Variants in CECR2 observed in about 807,000 individuals in gnomAD.
CECR2 encodes the protein CECR2 histone acetyl-lysine reader.
A neutral mutation model predicts 154.5 loss-of-function variants in CECR2; 30 were observed. The observed-to-expected ratio is 0.19, with a 90% CI of 0.15 to 0.26. CECR2 has a LOEUF of 0.26. Among genes scored for constraint, CECR2 ranks in the 10% least tolerant of loss-of-function variants. The pLI is 1.00. For synonymous variants in CECR2, 725 were observed against 683.7 expected (o/e 1.06, Z -0.94); for missense variants, 1,743 against 1,829.3 (o/e 0.95, Z 0.86).
At chr22:17,443,541 G>A (rs2054614167) in intron 1 of CECR2, among the ~76,000 whole-genome samples, 1 of 152,042 alleles carries the variant, frequency 6.6e-6, no homozygotes, top group Admixed American at 6.6e-5. Flanking sequence ...CTCTAATTCT[G>A]ACCCAGAAGA....
intron 1 of CECR2, among the ~76,000 whole-genome samples, chr22:17,430,890 C>T (rs1298201730): frequency 6.6e-6 from 1 of 152,056 alleles, no homozygotes; most frequent in Non-Finnish European, 1.5e-5. Flanking sequence ...TAATTATTTA[C>T]CATGATTATG....
chr22:17,445,687 G>A (rs1251717492), intron 1 of CECR2, among the ~76,000 whole-genome samples: 1 of 151,716 alleles, frequency 6.6e-6, no homozygotes, highest in Non-Finnish European at 1.5e-5. Flanking sequence ...CTGCCTCCCA[G>A]GTTCGGGCAG....
chr22:17,461,005 C>T (rs1458625706), intron 1 of CECR2, among the ~76,000 whole-genome samples: 1 of 152,152 alleles, frequency 6.6e-6, no homozygotes, highest in Non-Finnish European at 1.5e-5. Context: ...TTTGGGGGTG[C>T]TGTGTGTCTC....
intron 7 of CECR2, among the ~76,000 whole-genome samples, chr22:17,506,490 C>T (rs569361973): frequency 2.6e-5 from 4 of 152,272 alleles, no homozygotes; most frequent in East Asian, 1.9e-4. Flanking sequence ...AATGTCACTA[C>T]GTCCATGAAC....
chr22:17,437,590 T>C (rs2054525462), intron 1 of CECR2, among the ~76,000 whole-genome samples: 1 of 152,190 alleles, frequency 6.6e-6, no homozygotes, highest in Non-Finnish European at 1.5e-5. Flanking sequence ...GGACCTGAAA[T>C]AGATTTTTCA....
chr22:17,493,971 G>T (rs78441321), intron 2 of CECR2, among the ~76,000 whole-genome samples: 19,571 of 152,236 alleles, frequency 0.13, 1,471 homozygotes, highest in Non-Finnish European at 0.17. Flanking sequence ...GTGGAACTTG[G>T]TGTACATTAG....
At chr22:17,419,835 T>C (rs1323732886) in intron 1 of CECR2, 2 of 281,118 alleles carry the variant, frequency 7.1e-6, no homozygotes, top group African/African-American at 2.3e-5. Flanking sequence ...GATTAGAGGA[T>C]TGAGTTTCGA....
At chr22:17,421,789 T>A (rs1203430773) in intron 1 of CECR2, among the ~76,000 whole-genome samples, 1 of 151,096 alleles carries the variant, frequency 6.6e-6, no homozygotes. Context: ...CGAGACTCCG[T>A]CTTGCACTGG....
intron 4 of CECR2, among the ~76,000 whole-genome samples, chr22:17,500,412 G>T (rs1044794829): frequency 6.6e-6 from 1 of 152,092 alleles, no homozygotes; most frequent in Non-Finnish European, 1.5e-5. Context: ...CTCTTCGGAA[G>T]GTGTTAGTTA....
At chr22:17,374,220 C>G (rs907318683) in intron 1 of CECR2, among the ~76,000 whole-genome samples, 5 of 152,102 alleles carry the variant, frequency 3.3e-5, no homozygotes, top group African/African-American at 9.7e-5. Flanking sequence ...AATCCTTTGC[C>G]TTCCTTGTGT....
chr22:17,464,445 G>C (rs2054993204), intron 1 of CECR2, among the ~76,000 whole-genome samples: 1 of 106,168 alleles, frequency 9.4e-6, no homozygotes, highest in East Asian at 1.9e-4. Context: ...GTTAATATTG[G>C]CAGCTACCAA....
At chr22:17,456,658 T>A (rs1362581204) in intron 1 of CECR2, among the ~76,000 whole-genome samples, 1 of 152,094 alleles carries the variant, frequency 6.6e-6, no homozygotes, top group African/African-American at 2.4e-5. Flanking sequence ...ATCCCTTTTT[T>A]AAAAAAAGAG....
chr22:17,524,614 G>A lies in CECR2; in HGVS notation c.1108+343G>A, dbSNP rs554482715. 6.5e-5 allele frequency among the ~76,000 whole-genome samples: 9 copies of A among 137,682 alleles called. 2 individuals are homozygous for A. In the South Asian group the frequency reaches 9.7e-4, roughly 15 times the overall value. The allele number at this position is 137,682 out of a possible 152,430, so 90.3% of individuals were successfully genotyped here. On this transcript the variant is annotated intron_variant, in intron 9 of 18. Coordinates refer to ENST00000262608, the MANE Select transcript of CECR2 (RefSeq NM_001290047.2). ...TCACTGTGTTAGCCAGGATGGTCTC[G>A]ATATCTTGACCTCGTAATCTGCCCG...
chr22:17,533,966 C>T (rs757725974), intron 9 of CECR2, among the ~76,000 whole-genome samples: 5 of 151,814 alleles, frequency 3.3e-5, no homozygotes, highest in African/African-American at 9.7e-5. Context: ...TGCCTGCCTC[C>T]GCCTCCCAAA....
chr22:17,402,124 C>T (rs999171719), intron 1 of CECR2, among the ~76,000 whole-genome samples: 1 of 152,128 alleles, frequency 6.6e-6, no homozygotes, highest in African/African-American at 2.4e-5. Flanking sequence ...GCTGGGATTA[C>T]AGGTGCCCAC....
intron 4 of CECR2, among the ~76,000 whole-genome samples, chr22:17,500,197 C>T (rs907922588): frequency 8.0e-6 from 1 of 125,406 alleles, no homozygotes; most frequent in East Asian, 2.3e-4. Flanking sequence ...GGCGACAGAG[C>T]GAGACTCCAT....
In CECR2 at chr22:17,498,708, C is replaced by T. The variant is rs181035348; in HGVS notation, c.406-702C>T. Reference sequence around the variant, plus strand: ...ATGCCGGAACTGCCACAGAGGATCCCATGGGGCAAAGCTTGCCCCGTGCCT... The same window carrying T: ...ATGCCGGAACTGCCACAGAGGATCCTATGGGGCAAAGCTTGCCCCGTGCCT... On this transcript the variant is annotated intron_variant, in intron 3 of 18. Transcript: ENST00000262608. 5.9e-5 allele frequency among the ~76,000 whole-genome samples: 9 copies of T among 152,246 alleles called. No homozygotes were observed. In the East Asian group the frequency reaches 1.2e-3, roughly 20 times the overall value.
At chr22:17,432,254 A>G (rs9618023) in intron 1 of CECR2, among the ~76,000 whole-genome samples, 6 of 142,652 alleles carry the variant, frequency 4.2e-5, no homozygotes, top group Non-Finnish European at 4.7e-5. Context: ...TGGCTTTTTC[A>G]CTTAGCAGAA....
At chr22:17,471,682 C>T (rs2055129862) in intron 1 of CECR2, among the ~76,000 whole-genome samples, 1 of 152,022 alleles carries the variant, frequency 6.6e-6, no homozygotes, top group Non-Finnish European at 1.5e-5. Context: ...ATTACAGGCA[C>T]CCGCCACCAC....
Sources: gnomAD v4.1 joint callset for allele counts (sites outside exome capture counted in the v4.1 genomes callset) on GRCh38, gnomAD v4.1.1 for gene constraint, MANE v1.5 for transcripts, NCBI Gene and HGNC (gene_info 2026-07-23, HGNC 2026-07-21) for gene names.